The following IRF2 variants were observed in gnomAD, a reference collection of about 807,000 sequenced individuals.
IRF2 encodes the protein interferon regulatory factor 2.
Under a neutral mutation model 40.6 loss-of-function variants are expected in IRF2, and 15 were observed. The ratio of observed to expected loss-of-function variants is 0.37; its 90% CI spans 0.25 to 0.57. The LOEUF (loss-of-function observed/expected upper bound fraction) is 0.57. IRF2 is among the 20% of genes least tolerant of loss of function. The probability of loss-of-function intolerance (pLI) is 0.77; values close to 1 mark genes in which losing one functional copy is unlikely to be tolerated. For synonymous variants in IRF2, 151 were observed against 165.5 expected, an observed-to-expected ratio of 0.91 and a Z score of 0.67; for missense variants, 317 against 455.7, an observed-to-expected ratio of 0.70 and a Z score of 2.77.
intron 1 of IRF2, among the ~76,000 whole-genome samples, chr4:184,434,841 A>G (rs1738020875): frequency 6.6e-6 from 1 of 152,252 alleles, no homozygotes; most frequent in Non-Finnish European, 1.5e-5. Flanking sequence ...GAATAGTAAG[A>G]GCAACGGTTA....
chr4:184,458,782 C>T (rs933908961), intron 1 of IRF2, among the ~76,000 whole-genome samples: 34 of 152,224 alleles, frequency 2.2e-4, no homozygotes, highest in African/African-American at 7.9e-4. Context: ...GAAAAATTTC[C>T]GCAGGACATA....
chr4:184,388,473 C>T lies in IRF2; in HGVS notation c.*285G>A, dbSNP rs956810568. The T allele has an allele frequency of 1.9e-5, 8 of 418,890 alleles. No individual in the cohort carries two copies. The highest frequency in any genetic ancestry group is 6.4e-5 in the South Asian group (2 of 31,358). The allele number at this position is 418,890 out of a possible 1,614,324, so 25.9% of individuals were successfully genotyped here. A position where few individuals can be genotyped will look rare whatever the true frequency, so the allele number is the denominator to read the frequency against. On this transcript the variant is annotated 3_prime_UTR_variant, in exon 9 of 9. Transcript: ENST00000393593. The surrounding 1 kb of genome is among the most constrained non-coding windows in gnomAD (Gnocchi z 4.6). ...TCCACTCCACCTTGCTGGCCTTGAC[C>T]GCAGGCAATGCAGCACCTCCACTGC... is the stretch of plus-strand genomic sequence containing the variant.
Position 184,408,161 on chromosome 4 carries a change from T to A in IRF2, c.526A>T (p.Ile176Leu). The A allele has an allele frequency of 6.3e-7, 1 of 1,575,540 alleles. No homozygotes were observed. Among genetic ancestry groups the A allele is most frequent in the Non-Finnish European group, 8.7e-7 (1 of 1,145,320 alleles). Residue 176 changes from isoleucine to leucine, a missense_variant, in exon 6 of 9, where the codon ATA (isoleucine) becomes TTA (leucine). Transcript: ENST00000393593. The surrounding 1 kb of genome is among the most constrained non-coding windows in gnomAD (Gnocchi z 4.9). ...KNEVDSTVNI[I>L]VVGQSHLDSN... is the part of the protein sequence containing the mutation. ...ATGAGACGTCAAAACAGTTTACCTA[T>A]GATGTTCACCGTACTATCCACTTCA...
chr4:184,422,644 T>G (rs367752320), intron 2 of IRF2, among the ~76,000 whole-genome samples: 38 of 152,266 alleles, frequency 2.5e-4, no homozygotes, highest in African/African-American at 8.7e-4. Context: ...GGACGAACCT[T>G]GAAAACATTA....
rs3832301 is a variant in IRF2, at chr4:184,387,821, T to TA, written c.*936dup. The TA allele has an allele frequency of 0.18, 26,390 of 148,638 alleles. 2,327 individuals are homozygous for TA. The highest frequency in any genetic ancestry group is 0.31 in the East Asian group (1,611 of 5,124). The allele number at this position is 148,638 out of a possible 1,614,324, so 9.2% of individuals were successfully genotyped here. On this transcript the variant is annotated 3_prime_UTR_variant, in exon 9 of 9. Coordinates refer to ENST00000393593, the MANE Select transcript of IRF2 (RefSeq NM_002199.4). ...AAAGCTTTTTTCACCTTTACAAAAT[T>TA]AAAAAAAAAAATGTGCCACAAGGAT...
At chr4:184,398,878 G>C in intron 7 of IRF2, 37 bp downstream of exon 7, 1 of 1,550,580 alleles carries the variant, frequency 6.4e-7, no homozygotes, top group South Asian at 1.2e-5. Context: ...TGCGCGGCCG[G>C]TTCCCACGCC....
At chr4:184,467,470 T>C (rs1419173043) in intron 1 of IRF2, among the ~76,000 whole-genome samples, 1 of 152,224 alleles carries the variant, frequency 6.6e-6, no homozygotes, top group East Asian at 1.9e-4. Context: ...CACTGTAATT[T>C]TTCTCATCTT....
intron 2 of IRF2, among the ~76,000 whole-genome samples, chr4:184,425,259 G>A (rs535545306): frequency 6.6e-6 from 1 of 152,242 alleles, no homozygotes; most frequent in Non-Finnish European, 1.5e-5. Context: ...GAATGGGAGG[G>A]AAGAACATTA....
intron 1 of IRF2, among the ~76,000 whole-genome samples, chr4:184,471,484 G>T (rs1231304107): frequency 1.3e-5 from 2 of 152,114 alleles, no homozygotes; most frequent in Non-Finnish European, 2.9e-5. Context: ...TTTGGTATAA[G>T]GCAGATAAGG....
intron 6 of IRF2, among the ~76,000 whole-genome samples, chr4:184,403,796 A>G (rs558553330): frequency 6.6e-6 from 1 of 152,350 alleles, no homozygotes; most frequent in East Asian, 1.9e-4. Context: ...TAATAGTGAC[A>G]TTTCTTTTCA....
intron 2 of IRF2, among the ~76,000 whole-genome samples, chr4:184,422,968 T>C (rs1200809217): frequency 6.6e-6 from 1 of 152,234 alleles, no homozygotes; most frequent in Non-Finnish European, 1.5e-5. Flanking sequence ...TAGTTTTTCA[T>C]ACTTCAGGAA....
In IRF2 at chr4:184,408,319, C is replaced by A. The variant is rs773809081; in HGVS notation, c.412-44G>T. On this transcript the variant is annotated intron_variant, in intron 5 of 8. Transcript: ENST00000393593. The surrounding 1 kb of genome is among the most constrained non-coding windows in gnomAD (Gnocchi z 4.9). Reference sequence around the variant, plus strand: ...AAAAGAATTGAGAACACTTCCTTTCCCCTCCCTTCTCTTAGCTGAAATTCT... The same window carrying A: ...AAAAGAATTGAGAACACTTCCTTTCACCTCCCTTCTCTTAGCTGAAATTCT... 7 of 1,192,946 alleles carry A rather than the reference C, an allele frequency of 5.9e-6. No homozygotes were observed. The highest frequency in any genetic ancestry group is 8.8e-6 in the Non-Finnish European group (7 of 799,312). The allele number at this position is 1,192,946 out of a possible 1,614,324, so 73.9% of individuals were successfully genotyped here.
chr4:184,432,298 G>A (rs1373748056), intron 1 of IRF2, among the ~76,000 whole-genome samples: 2 of 152,194 alleles, frequency 1.3e-5, no homozygotes, highest in Non-Finnish European at 2.9e-5. Flanking sequence ...AGCTGAGGCT[G>A]GACAAGGCCA....
rs187485569 is a variant in IRF2, at chr4:184,418,810, C to G, written c.188-102G>C. The G allele has an allele frequency of 1.2e-4, 110 of 924,130 alleles. 1 individual carries two copies. The East Asian group carries it at 1.3e-3, about 11-fold the overall frequency. 57.2% of individuals were successfully genotyped at this position (924,130 alleles called of 1,614,324 possible). A position where few individuals can be genotyped will look rare whatever the true frequency, so the allele number is the denominator to read the frequency against. On this transcript the variant is annotated intron_variant, in intron 3 of 8. Transcript: ENST00000393593. The stretch of plus-strand genomic sequence containing the variant: ...TTGCTGGTCAGGCAGTATAAGGAAA[C>G]CTTTTCACTCCATGCTATACCTCCA...
chr4:184,428,934 A>C (rs1737768824), intron 2 of IRF2, 44 bp downstream of exon 2: 1 of 1,484,070 alleles, frequency 6.7e-7, no homozygotes, highest in Non-Finnish European at 9.4e-7. Context: ...GGCGTGTTTC[A>C]GCCAGGACCT....
chr4:184,473,657 C>T (rs1480755325), intron 1 of IRF2, among the ~76,000 whole-genome samples: 5 of 148,404 alleles, frequency 3.4e-5, no homozygotes, highest in African/African-American at 1.2e-4. Context: ...CGCCCTCCCG[C>T]CCCGGCCGCT....
intron 1 of IRF2, among the ~76,000 whole-genome samples, chr4:184,433,178 G>A (rs1737951264): frequency 1.3e-5 from 2 of 152,210 alleles, no homozygotes; most frequent in Admixed American, 1.3e-4. Flanking sequence ...AAAGGGAAGA[G>A]CTGAGTGTGA....
At chr4:184,396,901 T>G (rs538636103) in intron 7 of IRF2, among the ~76,000 whole-genome samples, 1 of 152,288 alleles carries the variant, frequency 6.6e-6, no homozygotes, top group East Asian at 1.9e-4. Context: ...CCAGGAGTTC[T>G]AGACCAACCT....
At chr4:184,451,436 T>C (rs181423116) in intron 1 of IRF2, among the ~76,000 whole-genome samples, 2 of 152,356 alleles carry the variant, frequency 1.3e-5, no homozygotes, top group Admixed American at 1.3e-4. Flanking sequence ...CATTAAACTC[T>C]ATACATTATC....
Sources: allele counts gnomAD v4.1 joint callset (sites outside exome capture counted in the v4.1 genomes callset), GRCh38; gene constraint gnomAD v4.1.1; non-coding constraint Gnocchi (gnomAD v3.1); transcripts MANE v1.5; gene names NCBI Gene and HGNC (gene_info 2026-07-23, HGNC 2026-07-21).